RRN3: variants seen among roughly 807,000 people sequenced by gnomAD.
RRN3 encodes RNA polymerase I-specific transcription initiation factor RRN3.
Under a neutral mutation model 82.3 loss-of-function variants are expected in RRN3, and 38 were observed. That is an observed-to-expected ratio of 0.46 (90% CI 0.36 to 0.61). The LOEUF is 0.61. RRN3 is among the 20% of genes least tolerant of loss of function. The probability of loss-of-function intolerance (pLI) is 0.00; values close to 1 mark genes in which losing one functional copy is unlikely to be tolerated. For missense variants in RRN3, 726 were observed against 793.1 expected, an observed-to-expected ratio of 0.92 and a Z score of 1.02; for synonymous variants, 284 against 284.3, an observed-to-expected ratio of 1.00 and a Z score of 0.01.
At chr16:15,085,835 A>T in intron 5 of RRN3, 137 bp from the exon 6 acceptor site, 1 of 1,287,696 alleles carries the variant, frequency 7.8e-7, no homozygotes, top group Non-Finnish European at 1.1e-6. Flanking sequence ...TAGCCCAATG[A>T]TTAATTAAAC....
At chr16:15,075,860 C>T (rs1366182107) in intron 10 of RRN3, among the ~76,000 whole-genome samples, 1 of 152,166 alleles carries the variant, frequency 6.6e-6, no homozygotes, top group African/African-American at 2.4e-5. Flanking sequence ...GTACTGGCGG[C>T]CAATAGCTCA....
At chr16:15,071,663 G>C (rs1172076031) in intron 12 of RRN3, among the ~76,000 whole-genome samples, 1 of 152,200 alleles carries the variant, frequency 6.6e-6, no homozygotes, top group African/African-American at 2.4e-5. Context: ...AGCTACTTGG[G>C]AGGCTGAGGC....
At chr16:15,088,977 A>G (rs1459221192) in intron 3 of RRN3, among the ~76,000 whole-genome samples, 1 of 152,022 alleles carries the variant, frequency 6.6e-6, no homozygotes, top group African/African-American at 2.4e-5. Flanking sequence ...ATCTATGATG[A>G]TTCTGGGTAA....
chr16:15,092,666 A>G (rs1174251143), intron 1 of RRN3, 52 bp from the exon 2 acceptor site: 4 of 1,156,236 alleles, frequency 3.5e-6, no homozygotes, highest in Non-Finnish European at 3.9e-6. Flanking sequence ...AATAAAAATT[A>G]TAATAGCCAA....
chr16:15,092,765 C>T, intron 1 of RRN3, 151 bp from the exon 2 acceptor site: 1 of 626,166 alleles, frequency 1.6e-6, no homozygotes. Flanking sequence ...ACAATCCTTC[C>T]TTTGCTCAGC....
rs1473165505 is a variant in RRN3, at chr16:15,075,348, G to A, written c.859-487C>T. ...AACACTTTGGGAGGCCAAGGCAGGA[G>A]GATCACTTGAGCTCAGGAACTTGAG... On this transcript the variant is annotated intron_variant, in intron 10 of 17. Transcript: ENST00000198767. 3.9e-5 allele frequency among the ~76,000 whole-genome samples: 6 copies of A among 152,202 alleles called. 1 individual carries two copies. The South Asian group carries it at 1.2e-3, about 32-fold the overall frequency.
intron 8 of RRN3, among the ~76,000 whole-genome samples, chr16:15,081,043 C>A (rs961652352): frequency 6.6e-6 from 1 of 152,134 alleles, no homozygotes; most frequent in Non-Finnish European, 1.5e-5. Context: ...AGGGTCCAAT[C>A]ATGTTGTAAC....
At chr16:15,076,766 A>T (rs553451823) in intron 9 of RRN3, 116 bp from the exon 10 acceptor site, 3 of 696,684 alleles carry the variant, frequency 4.3e-6, no homozygotes, top group Admixed American at 2.3e-5. Context: ...TTAGTGCCTT[A>T]TATCACACCC....
intron 13 of RRN3, 47 bp from the exon 14 acceptor site, chr16:15,070,301 C>A (rs765667783): frequency 4.4e-6 from 7 of 1,603,898 alleles, no homozygotes; most frequent in South Asian, 3.3e-5. Context: ...CATAAAAAAA[C>A]CAGAATAACA....
chr16:15,068,737 A>C (rs1295269569), intron 14 of RRN3, among the ~76,000 whole-genome samples: 1 of 152,206 alleles, frequency 6.6e-6, no homozygotes, highest in Non-Finnish European at 1.5e-5. Context: ...TTTTTTTTCT[A>C]AACAAGAAAA....
intron 1 of RRN3, among the ~76,000 whole-genome samples, chr16:15,093,642 T>C (rs983362706): frequency 1.8e-4 from 28 of 152,226 alleles, no homozygotes; most frequent in African/African-American, 2.2e-4. Context: ...CATAGCATCC[T>C]AATGACTCTG....
chr16:15,091,427 C>G (rs549369699), intron 2 of RRN3, 56 bp from the exon 3 acceptor site: 1 of 1,225,598 alleles, frequency 8.2e-7, no homozygotes, highest in Non-Finnish European at 1.2e-6. Context: ...TTAGTATCAA[C>G]AGCAAGACTT....
intron 10 of RRN3, among the ~76,000 whole-genome samples, chr16:15,075,793 CT>C (rs2045428613): frequency 6.6e-6 from 1 of 152,140 alleles, no homozygotes; most frequent in Admixed American, 6.5e-5. Flanking sequence ...ATGGCGGGTG[CT>C]TTTGGTGCCG....
At chr16:15,085,846 G>A (rs1173845639) in intron 5 of RRN3, 148 bp from the exon 6 acceptor site, 33 of 1,269,138 alleles carry the variant, frequency 2.6e-5, no homozygotes, top group Non-Finnish European at 3.2e-5. Context: ...TTAATTAAAC[G>A]CACAATCTGA....
At chr16:15,083,908 G>A (rs1281372952) in intron 7 of RRN3, among the ~76,000 whole-genome samples, 1 of 152,168 alleles carries the variant, frequency 6.6e-6, no homozygotes, top group African/African-American at 2.4e-5. Flanking sequence ...TAGAGACGGG[G>A]TTTCTCCATG....
At chr16:15,080,318 G>A (rs2045645333) in intron 8 of RRN3, among the ~76,000 whole-genome samples, 1 of 152,090 alleles carries the variant, frequency 6.6e-6, no homozygotes, top group Non-Finnish European at 1.5e-5. Flanking sequence ...CATAACTATA[G>A]GTTTTTAAGT....
In RRN3 at chr16:15,061,751, G is replaced by A. The variant is rs780213623; in HGVS notation, c.1949C>T (p.Pro650Leu). ...SPPVLYMQPSPL is the reference protein window; with the variant it reads ...SPPVLYMQPSLL The stretch of plus-strand genomic sequence containing the variant: ...AGTCACAAATTTCTGCCGTCAGAGG[G>A]GACTGGGTTGCATGTACAACACGGG... The change falls in exon 18 of 18, where the codon CCC becomes CTC. Residue 650 changes from proline to leucine, a missense_variant. Coordinates refer to ENST00000198767, the MANE Select transcript of RRN3 (RefSeq NM_018427.5). 1.9e-6 allele frequency: 3 copies of A among 1,611,082 alleles called. No homozygotes were observed. The highest frequency in any genetic ancestry group is 1.1e-5 in the South Asian group (1 of 90,976).
chr16:15,070,366 T>C (rs947288528), intron 13 of RRN3, 112 bp from the exon 14 acceptor site: 10 of 718,592 alleles, frequency 1.4e-5, no homozygotes, highest in African/African-American at 3.6e-5. Context: ...TTCATAGGTT[T>C]CTTTAAATAA....
At chr16:15,078,386 C>T (rs1282864212) in intron 9 of RRN3, among the ~76,000 whole-genome samples, 1 of 152,130 alleles carries the variant, frequency 6.6e-6, no homozygotes, top group African/African-American at 2.4e-5. Flanking sequence ...CACCACAACC[C>T]TGCACCAAGG....
Sources: gnomAD v4.1 joint callset for allele counts (sites outside exome capture counted in the v4.1 genomes callset) on GRCh38, gnomAD v4.1.1 for gene constraint, MANE v1.5 for transcripts, NCBI Gene and HGNC (gene_info 2026-07-23, HGNC 2026-07-21) for gene names.